The following LUC7L variants were observed in gnomAD, a reference collection of about 807,000 sequenced individuals.
LUC7L encodes the protein putative RNA-binding protein Luc7-like 1.
Under a neutral mutation model 51.1 loss-of-function variants are expected in LUC7L, and 29 were observed. That is an observed-to-expected ratio of 0.57 (90% confidence interval 0.42 to 0.77). The LOEUF (loss-of-function observed/expected upper bound fraction) is 0.77. LUC7L is among the 30% of genes least tolerant of loss of function. The pLI is 0.00. For synonymous variants in LUC7L, 181 were observed against 180.7 expected (o/e 1.00, Z -0.01); for missense variants, 403 against 511.9 (o/e 0.79, Z 2.05).
intron 9 of LUC7L, 168 bp from the exon 10 acceptor site, chr16:189,507 G>C: frequency 1.4e-6 from 2 of 1,404,232 alleles, no homozygotes; most frequent in South Asian, 3.4e-5. Flanking sequence ...TGGAGTGTTA[G>C]ATAGCCATTA....
chr16:229,139 T>A, intron 1 of LUC7L, 140 bp downstream of exon 1: 1 of 1,408,632 alleles, frequency 7.1e-7, no homozygotes, highest in Non-Finnish European at 9.2e-7. Context: ...GCCCGGCGCC[T>A]GCGGTCGGAG....
At chr16:208,600 C>A in intron 3 of LUC7L, 1 of 1,003,888 alleles carries the variant, frequency 1.0e-6, no homozygotes. Context: ...GATGTACTCA[C>A]TGGTCTTTGT....
chr16:229,252 C>T (rs775550952), intron 1 of LUC7L, 27 bp downstream of exon 1: 4 of 1,530,364 alleles, frequency 2.6e-6, no homozygotes, highest in South Asian at 1.2e-5. Context: ...ACCCCAGACC[C>T]TCGCCTGGTT....
chr16:203,369 C>T (rs1240567955), intron 5 of LUC7L, among the ~76,000 whole-genome samples: 2 of 152,040 alleles, frequency 1.3e-5, no homozygotes, highest in African/African-American at 4.8e-5. Flanking sequence ...TCTTCTAACT[C>T]CTTCTATGGG....
chr16:205,550 T>C (rs2049458277), intron 5 of LUC7L, among the ~76,000 whole-genome samples: 1 of 152,172 alleles, frequency 6.6e-6, no homozygotes. Flanking sequence ...TGTACTTTCC[T>C]CTCAATTTAG....
chr16:227,197 C>T, intron 2 of LUC7L, 45 bp downstream of exon 2: 1 of 1,479,964 alleles, frequency 6.8e-7, no homozygotes, highest in Middle Eastern at 1.7e-4. Flanking sequence ...GCCTATACAG[C>T]ACTCATGTCA....
intron 3 of LUC7L, among the ~76,000 whole-genome samples, chr16:210,974 C>T (rs2049622208): frequency 6.7e-6 from 1 of 149,046 alleles, no homozygotes; most frequent in Admixed American, 6.8e-5. Context: ...TGGCATGAAC[C>T]CGGGAGGTAG....
At position 190,113 on chromosome 16, in the gene LUC7L, G is replaced by T. The variant is rs758079142; in HGVS notation, c.829C>A (p.Arg277=). The T allele has an allele frequency of 5.6e-6, 9 of 1,612,092 alleles. No homozygotes were observed. Among genetic ancestry groups the T allele is most frequent in the Non-Finnish European group, 6.8e-6 (8 of 1,179,932 alleles). Residue 277 remains arginine, a synonymous_variant, in exon 9 of 10, where the codon CGG becomes AGG. Coordinates refer to ENST00000293872, the MANE Select transcript of LUC7L (RefSeq NM_201412.3). ...CGGGAGGTAGATCTTGACCGCCTCC[G>T]ACGCCGATCCCGGGAGCGTGACCTG... ...RRRSRSRDRR[R]RRSRSTSRER... is the part of the protein sequence containing the mutation.
At position 199,621 on chromosome 16, in the gene LUC7L, AG is replaced by A. The variant is rs372755452; in HGVS notation, c.511-384del. 4.1e-4 allele frequency among the ~76,000 whole-genome samples: 63 copies of A among 152,134 alleles called. No homozygotes were observed. The East Asian group carries it at 0.012, about 29-fold the overall frequency. On this transcript the variant is annotated intron_variant, in intron 5 of 9. Coordinates refer to ENST00000293872, the MANE Select transcript of LUC7L (RefSeq NM_201412.3). Reference sequence around the variant, plus strand: ...ACCCCATCTCTATTAAAAATACAAAAGTAGCCGGGTGTGGTGGCGCATGCCT... The same window carrying A: ...ACCCCATCTCTATTAAAAATACAAAATAGCCGGGTGTGGTGGCGCATGCCT...
Position 190,128 on chromosome 16 carries a change from A to C in LUC7L, c.814T>G (p.Ser272Ala). 1 of 1,610,196 alleles carries C rather than the reference A, an allele frequency of 6.2e-7. No individual in the cohort carries two copies. The highest frequency in any genetic ancestry group is 8.5e-7 in the Non-Finnish European group (1 of 1,179,658). ...SRTRDRRRSRSRDRRRRRSRS... is the reference protein window; with the variant it reads ...SRTRDRRRSRARDRRRRRSRS... ...GACCGCCTCCGACGCCGATCCCGGG[A>C]GCGTGACCTGAACAATCAGAAGGCT... The change falls in exon 9 of 10, where the codon TCC (serine) becomes GCC (alanine). Residue 272 changes from serine (S) to alanine (A), a missense_variant. Ser to Ala is a moderately conservative substitution (Grantham distance 99). Coordinates refer to ENST00000293872, the MANE Select transcript of LUC7L (RefSeq NM_201412.3).
At chr16:207,063 G>C (rs1258210627) in intron 4 of LUC7L, among the ~76,000 whole-genome samples, 1 of 151,878 alleles carries the variant, frequency 6.6e-6, no homozygotes, top group African/African-American at 2.4e-5. Context: ...GCTGGGCGTG[G>C]TGGTGGGCAC....
Position 193,021 on chromosome 16 carries a change from TAAATG to T in LUC7L, c.688-11_688-7del. ...TGCTTTTCAGCGACAGTTTTCTAAATAAATGAAACAAAAAATGAGGAAGAGCAAGT... is the reference window on the plus strand; with the variant it reads ...TGCTTTTCAGCGACAGTTTTCTAAATAAACAAAAAATGAGGAAGAGCAAGT... On this transcript the variant is annotated splice_region_variant and splice_polypyrimidine_tract_variant and intron_variant, in intron 6 of 9. Transcript: ENST00000293872. The T allele has an allele frequency of 6.2e-7, 1 of 1,610,740 alleles. No homozygotes were observed. Among genetic ancestry groups the T allele is most frequent in the Non-Finnish European group, 8.5e-7 (1 of 1,178,830 alleles).
At chr16:222,357 CCAGTTG>C (rs1382046930) in intron 2 of LUC7L, among the ~76,000 whole-genome samples, 2 of 147,350 alleles carry the variant, frequency 1.4e-5, no homozygotes, top group African/African-American at 5.0e-5. Flanking sequence ...GACGTTAGTA[CCAGTTG>C]CAGTGGCACA....
Position 229,371 on chromosome 16 carries a change from G to A in LUC7L, c.-32C>T, listed in dbSNP as rs775149546. The A allele has an allele frequency of 4.7e-6, 7 of 1,485,524 alleles. No individual in the cohort carries two copies. Among genetic ancestry groups the A allele is most frequent in the East Asian group, 2.7e-5 (1 of 36,748 alleles). 92.0% of individuals were successfully genotyped at this position (1,485,524 alleles called of 1,614,324 possible). ...CGGCGGAGGCGACGGGGTCGGCCGC[G>A]ACGACTTCTCTCAGGCAGGCGGTGG... On this transcript the variant is annotated 5_prime_UTR_variant, in exon 1 of 10. Transcript: ENST00000293872.
At position 189,753 on chromosome 16, in the gene LUC7L, G is replaced by A. The variant is rs886064725; in HGVS notation, c.974+215C>T. 14 of 1,396,738 alleles carry A rather than the reference G, an allele frequency of 1.0e-5. No individual in the cohort carries two copies. The African/African-American group carries it at 2.0e-4, about 20-fold the overall frequency. The allele number at this position is 1,396,738 out of a possible 1,614,324, so 86.5% of individuals were successfully genotyped here. ...CACAGGCCCCAGGACGCAGGCAGGG[G>A]ACAGTGCCTGTGCAGCCCATCACCT... On this transcript the variant is annotated intron_variant, in intron 9 of 9. Transcript: ENST00000293872.
intron 3 of LUC7L, among the ~76,000 whole-genome samples, chr16:216,416 T>C (rs1158707023): frequency 2.2e-5 from 3 of 138,088 alleles, no homozygotes; most frequent in Admixed American, 7.9e-5. Context: ...GGAGTCTCGC[T>C]CGGTTGTCCA....
intron 6 of LUC7L, among the ~76,000 whole-genome samples, chr16:193,481 T>A (rs887174716): frequency 1.3e-5 from 2 of 151,916 alleles, no homozygotes; most frequent in African/African-American, 2.4e-5. Context: ...ATGAAGAAGA[T>A]AACACATGAA....
intron 2 of LUC7L, among the ~76,000 whole-genome samples, chr16:225,732 G>A (rs1331277522): frequency 7.3e-5 from 11 of 150,914 alleles, no homozygotes; most frequent in Non-Finnish European, 7.4e-5. Context: ...TGATCCACCC[G>A]CCTCGGCCTC....
chr16:224,079 G>C (rs1163658649), intron 2 of LUC7L, among the ~76,000 whole-genome samples: 3 of 152,104 alleles, frequency 2.0e-5, no homozygotes, highest in Non-Finnish European at 4.4e-5. Context: ...CAGAAAAAAT[G>C]CTTTAAACTA....
Sources: gnomAD v4.1 joint callset for allele counts (sites outside exome capture counted in the v4.1 genomes callset) on GRCh38, gnomAD v4.1.1 for gene constraint, MANE v1.5 for transcripts, NCBI Gene and HGNC (gene_info 2026-07-23, HGNC 2026-07-21) for gene names.